Variants in MTRR observed in about 807,000 individuals in gnomAD.
The protein encoded by MTRR is 5-methyltetrahydrofolate-homocysteine methyltransferase reductase, also known as methionine synthase reductase.
MTRR carries 63 observed loss-of-function variants against 79.2 expected under a neutral mutation model. The observed-to-expected ratio is 0.80, with a 90% CI of 0.65 to 0.98. MTRR has a LOEUF of 0.98. Ranked by LOEUF, MTRR falls within the 50% of genes least tolerant of loss-of-function variation. The pLI is 0.00. For synonymous variants in MTRR, 355 were observed against 313.3 expected, an observed-to-expected ratio of 1.13 and a Z score of -1.41; for missense variants, 895 against 839.6, an observed-to-expected ratio of 1.07 and a Z score of -0.82.
In MTRR at chr5:7,869,226, T is replaced by G. The variant is rs201383481; in HGVS notation, c.-26+11T>G. 100 of 1,604,350 alleles carry G rather than the reference T, an allele frequency of 6.2e-5. No homozygotes were observed. The East Asian group carries it at 1.3e-3, about 21-fold the overall frequency. On this transcript the variant is annotated intron_variant, in intron 1 of 14. Coordinates refer to ENST00000440940, the MANE Select transcript of MTRR (RefSeq NM_002454.3). ...GCTGGCGCGGCGTGGGTAAGCTGCCTGTCGGCTACGGTTCCCGGATTCCGG... is the reference window on the plus strand; with the variant it reads ...GCTGGCGCGGCGTGGGTAAGCTGCCGGTCGGCTACGGTTCCCGGATTCCGG...
chr5:7,874,588 C>CTTTTTT (rs5865743), intron 3 of MTRR, among the ~76,000 whole-genome samples: 10 of 108,182 alleles, frequency 9.2e-5, no homozygotes, highest in Non-Finnish European at 1.2e-4. Flanking sequence ...GGGATTTAAG[C>CTTTTTT]TTTTTTTTTT....
At chr5:7,888,328 G>GA (rs988835094) in intron 8 of MTRR, among the ~76,000 whole-genome samples, 2 of 152,142 alleles carry the variant, frequency 1.3e-5, no homozygotes, top group Non-Finnish European at 2.9e-5. Flanking sequence ...GTTCTAAAGT[G>GA]AAAAAAGTAT....
At chr5:7,886,017 G>C (rs1736373396) in intron 7 of MTRR, among the ~76,000 whole-genome samples, 163 bp downstream of exon 7, 1 of 152,132 alleles carries the variant, frequency 6.6e-6, no homozygotes, top group Non-Finnish European at 1.5e-5. Context: ...CGCTGGTATT[G>C]GTAGTTTCTT....
At chr5:7,869,999 T>C (rs1747637039) in intron 1 of MTRR, 1 of 985,140 alleles carries the variant, frequency 1.0e-6, no homozygotes. Flanking sequence ...TTTAAATCTG[T>C]CTCTGCAAAT....
Position 7,875,264 on chromosome 5 carries a change from G to A in MTRR, c.290G>A (p.Gly97Asp). 2 of 1,610,162 alleles carry A rather than the reference G, an allele frequency of 1.2e-6. No individual in the cohort carries two copies. The highest frequency in any genetic ancestry group is 1.7e-6 in the Non-Finnish European group (2 of 1,176,622). ...ATGTATTTGGGTTCTCTAGGTCTCG[G>A]TGATTCAGAATACACCTACTTTTGC... ...AHLRYGLLGL[G>D]DSEYTYFCNG... Residue 97 changes from glycine to aspartate, a missense_variant, in exon 4 of 15, where the codon GGT (glycine) becomes GAT (aspartate). By Grantham distance (94) the Gly-to-Asp change is moderately conservative. Transcript: ENST00000440940.
At position 7,870,820 on chromosome 5, in the gene MTRR, C is replaced by G. The variant is rs751400453; in HGVS notation, c.26C>G (p.Ala9Gly). 3 of 1,614,050 alleles carry G rather than the reference C, an allele frequency of 1.9e-6. No homozygotes were observed. The African/African-American group carries it at 4.0e-5, about 22-fold the overall frequency. Residue 9 changes from alanine to glycine, a missense_variant, in exon 2 of 15, where the codon GCT becomes GGT. Physicochemically the swap from Ala to Gly is moderately conservative, Grantham distance 60. Transcript: ENST00000440940. MRRFLLLY[A>G]TQQGQAKAIA... The stretch of plus-strand genomic sequence containing the variant: ...ATGAGGAGGTTTCTGTTACTATATG[C>G]TACACAGCAGGGACAGGCAAAGGCC...
intron 1 of MTRR, among the ~76,000 whole-genome samples, chr5:7,854,546 C>CA (rs1394493876): frequency 1.3e-5 from 2 of 152,050 alleles, no homozygotes. Context: ...AGATGAAAGG[C>CA]ACTCCTTACA....
At chr5:7,898,762 C>G (rs1441091115) in intron 14 of MTRR, among the ~76,000 whole-genome samples, 1 of 152,156 alleles carries the variant, frequency 6.6e-6, no homozygotes, top group Non-Finnish European at 1.5e-5. Context: ...GGGGCCAGGA[C>G]ATGTTCAGTT....
Position 7,878,041 on chromosome 5 carries a change from C to T in MTRR, c.499C>T (p.Leu167Phe), listed in dbSNP as rs769406733. Residue 167 changes from leucine (L) to phenylalanine (F), a missense_variant, in exon 5 of 15, where the codon CTC becomes TTC. By Grantham distance (22) the Leu-to-Phe change is conservative. Coordinates refer to ENST00000440940, the MANE Select transcript of MTRR (RefSeq NM_002454.3). ...SRGQEEISGA[L>F]PVASPASSRT... ...AGGACAAGAGGAGATAAGTGGCGCACTCCCGGTGGCATCACCTGCATCCTC... is the reference window on the plus strand; with the variant it reads ...AGGACAAGAGGAGATAAGTGGCGCATTCCCGGTGGCATCACCTGCATCCTC... 1 of 1,613,900 alleles carries T rather than the reference C, an allele frequency of 6.2e-7. No individual in the cohort carries two copies. Among genetic ancestry groups the T allele is most frequent in the Admixed American group, 1.7e-5 (1 of 59,994 alleles).
chr5:7,871,394 G>C (rs1445133804), intron 2 of MTRR, among the ~76,000 whole-genome samples: 1 of 152,138 alleles, frequency 6.6e-6, no homozygotes, highest in Non-Finnish European at 1.5e-5. Flanking sequence ...GAAAAAACTC[G>C]GCTGCTTCTT....
At chr5:7,893,212 G>A (rs2126795911) in intron 11 of MTRR, 1 of 399,790 alleles carries the variant, frequency 2.5e-6, no homozygotes, top group South Asian at 2.3e-5. Context: ...GGCCTGGGGA[G>A]GGGTGGAGAA....
At chr5:7,891,511 A>C in intron 10 of MTRR, 97 bp downstream of exon 10, 1 of 1,013,318 alleles carries the variant, frequency 9.9e-7, no homozygotes, top group Non-Finnish European at 1.6e-6. Context: ...ATTCAGTGAA[A>C]ACTTACCTGC....
At chr5:7,885,261 AAGG>A (rs1736227274) in intron 6 of MTRR, 1 of 189,284 alleles carries the variant, frequency 5.3e-6, no homozygotes, top group Admixed American at 5.5e-5. Flanking sequence ...AGAGTAAAGT[AAGG>A]AGAAGAAAAT....
Position 7,889,227 on chromosome 5 carries a change from C to G in MTRR, c.1279C>G (p.Leu427Val), listed in dbSNP as rs763667405. The stretch of plus-strand genomic sequence containing the variant: ...AGATGCCTGTGCCTGCTTGTTGGAT[C>G]TCCTCCTCGCTTTCCCTTCTTGCCA... ...VRDACACLLD[L>V]LLAFPSCQPP... is the part of the protein sequence containing the mutation. The change falls in exon 9 of 15, where the codon CTC (leucine) becomes GTC (valine). Residue 427 changes from leucine to valine, a missense_variant. Leu to Val is a conservative substitution (Grantham distance 32). Coordinates refer to ENST00000440940, the MANE Select transcript of MTRR (RefSeq NM_002454.3). 6.2e-6 allele frequency: 10 copies of G among 1,613,244 alleles called. No homozygotes were observed. Among genetic ancestry groups the G allele is most frequent in the Middle Eastern group, 1.8e-4 (1 of 5,412 alleles).
At chr5:7,867,282 C>T (rs1747035750), upstream of MTRR, 1 of 1,613,656 alleles carries the variant, frequency 6.2e-7, no homozygotes. Context: ...TCCACTTTTT[C>T]AGTACATGCC....
chr5:7,879,067 G>A (rs1313659745), intron 5 of MTRR, among the ~76,000 whole-genome samples: 1 of 152,118 alleles, frequency 6.6e-6, no homozygotes. Context: ...TGGTATGATA[G>A]CAATTTTTTT....
At chr5:7,853,477 A>C (rs1019516737) in intron 1 of MTRR, among the ~76,000 whole-genome samples, 1 of 152,202 alleles carries the variant, frequency 6.6e-6, no homozygotes, top group African/African-American at 2.4e-5. Context: ...TCAGGCATAC[A>C]GGCATACAGT....
Position 7,883,795 on chromosome 5 carries a change from T to A in MTRR, c.903+518T>A, listed in dbSNP as rs77578255. 0.041 allele frequency among the ~76,000 whole-genome samples: 6,237 copies of A among 152,118 alleles called. 261 individuals carry two copies. Among genetic ancestry groups the A allele is most frequent in the East Asian group, 0.19 (958 of 5,176 alleles). The stretch of plus-strand genomic sequence containing the variant: ...AGATGCTGGCTTACTCAATAAGCCA[T>A]GAAAGAATAATGGGATCAGAACAGC... On this transcript the variant is annotated intron_variant, in intron 6 of 14. Transcript: ENST00000440940.
intron 5 of MTRR, 103 bp from the exon 6 acceptor site, chr5:7,883,052 G>T: frequency 6.8e-7 from 1 of 1,466,964 alleles, no homozygotes; most frequent in Non-Finnish European, 9.5e-7. Flanking sequence ...ATACTGAGTA[G>T]CCAGGAAGTT....
Sources: allele counts gnomAD v4.1 joint callset (sites outside exome capture counted in the v4.1 genomes callset), GRCh38; gene constraint gnomAD v4.1.1; transcripts MANE v1.5; gene names NCBI Gene and HGNC (gene_info 2026-07-23, HGNC 2026-07-21).